The following TENM3 variants were observed in gnomAD, a reference collection of about 807,000 sequenced individuals.
The protein encoded by TENM3 is teneurin-3.
In TENM3, 63 loss-of-function variants were observed where a neutral mutation model predicts 255.1. The ratio of observed to expected loss-of-function variants is 0.25; its 90% confidence interval spans 0.20 to 0.30. The LOEUF (loss-of-function observed/expected upper bound fraction) is 0.30. Ranked by LOEUF, TENM3 falls within the 10% of genes least tolerant of loss-of-function variation. The pLI is 1.00. For synonymous variants in TENM3, 1,306 were observed against 1,322.3 expected (o/e 0.99, Z 0.27); for missense variants, 2,929 against 3,461.1 (o/e 0.85, Z 3.86).
At chr4:182,549,590 G>A (rs1028569618) in intron 3 of TENM3, among the ~76,000 whole-genome samples, 2 of 152,178 alleles carry the variant, frequency 1.3e-5, no homozygotes, top group Admixed American at 6.5e-5. Flanking sequence ...CCCATTGTTC[G>A]AGTCACGCTT....
At chr4:181,741,465 T>G in the TENM3 span, among the ~76,000 whole-genome samples, 1 of 151,780 alleles carries the variant, frequency 6.6e-6, no homozygotes, top group Admixed American at 6.6e-5. Context: ...TAGAAATATT[T>G]ATTAGTTAAA....
the TENM3 span, among the ~76,000 whole-genome samples, chr4:181,848,209 A>G: frequency 6.6e-6 from 1 of 152,282 alleles, no homozygotes; most frequent in East Asian, 1.9e-4. Flanking sequence ...TGTCTCTTGT[A>G]CTCTCCTGTG....
intron 10 of TENM3, among the ~76,000 whole-genome samples, chr4:182,681,328 C>G (rs770935664): frequency 6.6e-6 from 1 of 152,210 alleles, no homozygotes; most frequent in Non-Finnish European, 1.5e-5. Context: ...AGGCCATTGA[C>G]CCTACAAGTG....
chr4:182,525,526 T>C (rs1166928148), intron 3 of TENM3, among the ~76,000 whole-genome samples: 1 of 152,246 alleles, frequency 6.6e-6, no homozygotes, highest in Non-Finnish European at 1.5e-5. Flanking sequence ...CTTTATACTT[T>C]TCAAAAAATC....
the TENM3 span, among the ~76,000 whole-genome samples, chr4:181,495,922 A>G: frequency 6.7e-6 from 1 of 148,438 alleles, no homozygotes. Context: ...AAAAAAAAAA[A>G]GAAACATAAA....
intron 3 of TENM3, among the ~76,000 whole-genome samples, chr4:182,558,046 G>A (rs913078058): frequency 7.9e-5 from 12 of 152,222 alleles, no homozygotes; most frequent in South Asian, 2.1e-4. Flanking sequence ...GCTACGATCC[G>A]ATTTCCTTCC....
the TENM3 span, among the ~76,000 whole-genome samples, chr4:182,078,149 C>T: frequency 3.3e-5 from 5 of 151,994 alleles, no homozygotes; most frequent in East Asian, 1.9e-4. Context: ...TCACTTGAGC[C>T]CAGGAGTTTG....
At chr4:182,211,150 C>T (rs1031313) in intron 1 of TENM3, among the ~76,000 whole-genome samples, 30,140 of 152,148 alleles carry the variant, frequency 0.2, 3,486 homozygotes, top group African/African-American at 0.32. Context: ...TAGCTTCTCT[C>T]CCTGGAAAGA....
intron 3 of TENM3, among the ~76,000 whole-genome samples, chr4:182,448,786 G>A (rs910727178): frequency 6.6e-6 from 1 of 151,858 alleles, no homozygotes; most frequent in Admixed American, 6.6e-5. Flanking sequence ...GCCCCGGCCC[G>A]CGTGTGTGGA....
intron 3 of TENM3, among the ~76,000 whole-genome samples, chr4:182,361,565 C>A (rs1765984541): frequency 6.6e-6 from 1 of 152,110 alleles, no homozygotes; most frequent in African/African-American, 2.4e-5. Context: ...TGGCTTTCAG[C>A]TCCATCAGCT....
Position 182,799,531 on chromosome 4 carries a change from G to T in TENM3, c.7345-65G>T, listed in dbSNP as rs1197800215. 4 of 1,504,876 alleles carry T rather than the reference G, an allele frequency of 2.7e-6. No individual in the cohort carries two copies. The African/African-American group carries it at 5.6e-5, about 21-fold the overall frequency. The allele number at this position is 1,504,876 out of a possible 1,614,324, so 93.2% of individuals were successfully genotyped here. Reference sequence around the variant, plus strand: ...CGGCGCTGCCCCCAGAGTCCCGTGTGTGGGTCAGGAGTGGGGAGGCTCCCG... The same window carrying T: ...CGGCGCTGCCCCCAGAGTCCCGTGTTTGGGTCAGGAGTGGGGAGGCTCCCG... On this transcript the variant is annotated intron_variant, in intron 27 of 27. Transcript: ENST00000511685. The surrounding 1 kb of genome is among the most constrained non-coding windows in gnomAD (Gnocchi z 4.2).
At chr4:182,030,409 A>C in the TENM3 span, among the ~76,000 whole-genome samples, 2 of 152,000 alleles carry the variant, frequency 1.3e-5, no homozygotes, top group African/African-American at 4.8e-5. Flanking sequence ...AAAAGACATG[A>C]TGTTGTTCCT....
chr4:181,950,415 T>A, the TENM3 span, among the ~76,000 whole-genome samples: 1 of 152,276 alleles, frequency 6.6e-6, no homozygotes, highest in Non-Finnish European at 1.5e-5. Context: ...GGGACGCGCA[T>A]GAAACTTTTC....
Position 182,426,007 on chromosome 4 carries a change from C to CAAAAAAAAAAAAAAAAAAAAAAAAAA in TENM3, c.511+79101_511+79102insAAAAAAAAAAAAAAAAAAAAAAAAAA, listed in dbSNP as rs55836889. Among the ~76,000 whole-genome samples the CAAAAAAAAAAAAAAAAAAAAAAAAAA allele has an allele frequency of 1.5e-3, 132 of 90,706 alleles. 2 individuals are homozygous for CAAAAAAAAAAAAAAAAAAAAAAAAAA. Among genetic ancestry groups the CAAAAAAAAAAAAAAAAAAAAAAAAAA allele is most frequent in the Middle Eastern group, 6.5e-3 (1 of 154 alleles). 59.5% of individuals were successfully genotyped at this position (90,706 alleles called of 152,430 possible). ...TAAGAGACAGAGCGAGAGTCCATGT[C>CAAAAAAAAAAAAAAAAAAAAAAAAAA]AAAAAAAAAAAAAAAAAAAAAAACA... On this transcript the variant is annotated intron_variant, in intron 3 of 27. Coordinates refer to ENST00000511685, the MANE Select transcript of TENM3 (RefSeq NM_001080477.4).
At chr4:182,483,415 T>A (rs961534) in intron 3 of TENM3, among the ~76,000 whole-genome samples, 80,168 of 151,930 alleles carry the variant, frequency 0.53, 21,870 homozygotes, top group East Asian at 0.74. Flanking sequence ...AGTCACATAG[T>A]TAATGTAAGA....
the TENM3 span, among the ~76,000 whole-genome samples, chr4:182,133,023 C>G: frequency 8.5e-5 from 13 of 152,176 alleles, no homozygotes; most frequent in East Asian, 2.3e-3. Flanking sequence ...GTAGGCCAGG[C>G]GAGTCAGGAG....
chr4:181,788,041 A>G, the TENM3 span, among the ~76,000 whole-genome samples: 3 of 152,126 alleles, frequency 2.0e-5, no homozygotes, highest in African/African-American at 7.2e-5. Context: ...GAGATCACTT[A>G]CCCACGGCTT....
chr4:182,198,503 TG>T (rs1413113367), intron 1 of TENM3, among the ~76,000 whole-genome samples: 1 of 152,178 alleles, frequency 6.6e-6, no homozygotes, highest in Non-Finnish European at 1.5e-5. Flanking sequence ...TTCCAGGTAT[TG>T]GGGTGAACTG....
At chr4:182,438,844 A>G (rs1288385140) in intron 3 of TENM3, among the ~76,000 whole-genome samples, 1 of 152,250 alleles carries the variant, frequency 6.6e-6, no homozygotes, top group East Asian at 1.9e-4. Flanking sequence ...CATTTGAATG[A>G]TCACATTGTA....
Sources: gnomAD v4.1 joint callset for allele counts (sites outside exome capture counted in the v4.1 genomes callset) on GRCh38, gnomAD v4.1.1 for gene constraint, Gnocchi (gnomAD v3.1) non-coding constraint, MANE v1.5 for transcripts, NCBI Gene and HGNC (gene_info 2026-07-23, HGNC 2026-07-21) for gene names.